Variants in RPS6KC1 observed in about 807,000 individuals in gnomAD.
RPS6KC1 encodes the protein ribosomal protein S6 kinase C1, also known as inactive ribosomal protein S6 kinase delta-1.
Under a neutral mutation model 103.8 loss-of-function variants are expected in RPS6KC1, and 54 were observed. That is an observed-to-expected ratio of 0.52 (90% CI 0.42 to 0.65). The LOEUF (loss-of-function observed/expected upper bound fraction) is 0.65. Among genes scored for constraint, RPS6KC1 ranks in the 30% least tolerant of loss-of-function variants. The probability of loss-of-function intolerance (pLI) is 0.00; values close to 1 mark genes in which losing one functional copy is unlikely to be tolerated. For synonymous variants in RPS6KC1, 439 were observed against 438.7 expected (o/e 1.00, Z -0.01); for missense variants, 1,151 against 1,253.8 (o/e 0.92, Z 1.24).
chr1:213,617,553 A>G, the RPS6KC1 span, among the ~76,000 whole-genome samples: 1 of 152,234 alleles, frequency 6.6e-6, no homozygotes, highest in Non-Finnish European at 1.5e-5. Context: ...TTGGAAGCTT[A>G]TTATGAGTGG....
At chr1:213,815,077 A>C in the RPS6KC1 span, among the ~76,000 whole-genome samples, 1 of 152,156 alleles carries the variant, frequency 6.6e-6, no homozygotes, top group African/African-American at 2.4e-5. Context: ...TCATGGGGGC[A>C]GTGACCCCCA....
At chr1:213,714,311 T>C in the RPS6KC1 span, among the ~76,000 whole-genome samples, 1 of 152,238 alleles carries the variant, frequency 6.6e-6, no homozygotes, top group African/African-American at 2.4e-5. Context: ...ACCAAAAATG[T>C]AATTTGTGGG....
the RPS6KC1 span, among the ~76,000 whole-genome samples, chr1:213,288,202 C>T: frequency 0.97 from 147,370 of 152,274 alleles, 71,518 homozygotes; most frequent in East Asian, 1. Flanking sequence ...GCAATGCACA[C>T]ACTTACACAT....
At chr1:213,084,679 G>T (rs977241241) in intron 3 of RPS6KC1, among the ~76,000 whole-genome samples, 1 of 152,024 alleles carries the variant, frequency 6.6e-6, no homozygotes, top group Non-Finnish European at 1.5e-5. Flanking sequence ...TCTAGGATTG[G>T]TATTTTATTT....
the RPS6KC1 span, among the ~76,000 whole-genome samples, chr1:213,449,784 G>A: frequency 6.6e-6 from 1 of 152,220 alleles, no homozygotes; most frequent in Non-Finnish European, 1.5e-5. Flanking sequence ...GAGGAGGACA[G>A]CCTTCATAGC....
the RPS6KC1 span, among the ~76,000 whole-genome samples, chr1:213,628,427 T>A: frequency 6.6e-6 from 1 of 152,210 alleles, no homozygotes; most frequent in Non-Finnish European, 1.5e-5. Context: ...TTCCTTCAGT[T>A]CTGCTCTGAT....
In RPS6KC1 at chr1:213,273,495, C is replaced by G. The variant is rs965504264; in HGVS notation, c.*861C>G. The G allele has an allele frequency of 1.3e-5, 2 of 152,616 alleles. No homozygotes were observed. The highest frequency in any genetic ancestry group is 4.8e-5 in the African/African-American group (2 of 41,442). 9.5% of individuals were successfully genotyped at this position (152,616 alleles called of 1,614,324 possible). On this transcript the variant is annotated 3_prime_UTR_variant, in exon 15 of 15. Transcript: ENST00000366960. ...TCTTCTTCATTTAATAACCCTCCCC[C>G]CTTTTTTTCCTTGAAGAAATGCGTC...
At chr1:213,185,648 T>C (rs2092489315) in intron 8 of RPS6KC1, among the ~76,000 whole-genome samples, 1 of 151,758 alleles carries the variant, frequency 6.6e-6, no homozygotes, top group African/African-American at 2.4e-5. Context: ...CAAGACTCTG[T>C]CTCAAAAAGA....
chr1:213,486,620 C>T, the RPS6KC1 span, among the ~76,000 whole-genome samples: 1 of 152,122 alleles, frequency 6.6e-6, no homozygotes, highest in East Asian at 1.9e-4. Context: ...GTTCATTAAG[C>T]CTGGTGGTGT....
At chr1:213,259,725 G>GT (rs1401554774) in intron 12 of RPS6KC1, among the ~76,000 whole-genome samples, 1 of 124,744 alleles carries the variant, frequency 8.0e-6, no homozygotes, top group Non-Finnish European at 1.7e-5. Context: ...TGTAGGTGTT[G>GT]TTTTTTTAAT....
chr1:213,739,893 C>T, the RPS6KC1 span, among the ~76,000 whole-genome samples: 3 of 151,908 alleles, frequency 2.0e-5, no homozygotes, highest in Non-Finnish European at 4.4e-5. Context: ...TGAATAAAAG[C>T]AATTAAAACA....
the RPS6KC1 span, among the ~76,000 whole-genome samples, chr1:213,449,038 T>C: frequency 3.3e-5 from 5 of 152,182 alleles, no homozygotes; most frequent in Non-Finnish European, 7.4e-5. Flanking sequence ...TCCTTTGTAA[T>C]TTGTCACCTT....
At chr1:213,504,141 C>A in the RPS6KC1 span, among the ~76,000 whole-genome samples, 1 of 152,050 alleles carries the variant, frequency 6.6e-6, no homozygotes, top group Non-Finnish European at 1.5e-5. Context: ...ATGATAATTT[C>A]TTTTAATAAT....
intron 6 of RPS6KC1, among the ~76,000 whole-genome samples, chr1:213,160,255 A>G (rs1359940959): frequency 1.3e-5 from 2 of 152,218 alleles, no homozygotes; most frequent in Non-Finnish European, 2.9e-5. Flanking sequence ...AATATTACGG[A>G]ACACATCATT....
the RPS6KC1 span, among the ~76,000 whole-genome samples, chr1:213,329,565 A>G: frequency 3.6e-5 from 5 of 137,516 alleles, no homozygotes; most frequent in African/African-American, 1.6e-4. Flanking sequence ...GCATCTGATT[A>G]TTCAGTTGAT....
At position 213,146,284 on chromosome 1, in the gene RPS6KC1, T is replaced by C. The variant is rs140027525; in HGVS notation, c.835+16395T>C. Among the ~76,000 whole-genome samples, 3 of 152,090 alleles carry C rather than the reference T, an allele frequency of 2.0e-5. No individual in the cohort carries two copies. In the Admixed American group the frequency reaches 2.0e-4, roughly 10 times the overall value. ...ATATGTACCATTTTTTCTCTATCTG[T>C]TCATCTGTTAATGGACACTTAGGTT... On this transcript the variant is annotated intron_variant, in intron 6 of 14. Coordinates refer to ENST00000366960, the MANE Select transcript of RPS6KC1 (RefSeq NM_012424.6).
chr1:213,471,992 G>C, the RPS6KC1 span, among the ~76,000 whole-genome samples: 1 of 152,142 alleles, frequency 6.6e-6, no homozygotes, highest in Non-Finnish European at 1.5e-5. Flanking sequence ...GGACTCAACA[G>C]GGTGTCATTT....
chr1:213,492,529 CT>C, the RPS6KC1 span: 1 of 152,198 alleles, frequency 6.6e-6, no homozygotes, highest in East Asian at 1.9e-4. Context: ...CAAAGAGGGT[CT>C]TTGTGTGAAG....
chr1:213,495,601 G>A, the RPS6KC1 span, among the ~76,000 whole-genome samples: 12 of 152,176 alleles, frequency 7.9e-5, no homozygotes, highest in South Asian at 2.1e-4. Context: ...GATTACAGGC[G>A]TGAGCCACTG....
Sources: gnomAD v4.1 joint callset for allele counts (sites outside exome capture counted in the v4.1 genomes callset) on GRCh38, gnomAD v4.1.1 for gene constraint, MANE v1.5 for transcripts, NCBI Gene and HGNC (gene_info 2026-07-23, HGNC 2026-07-21) for gene names.